MYO16: variants seen among roughly 807,000 people sequenced by gnomAD.
The protein encoded by MYO16 is unconventional myosin-XVI.
A neutral mutation model predicts 205.3 loss-of-function variants in MYO16; 94 were observed. The observed-to-expected ratio is 0.46, with a 90% CI of 0.39 to 0.54. The LOEUF (loss-of-function observed/expected upper bound fraction) is 0.54. MYO16 is among the 20% of genes least tolerant of loss of function. The pLI, the probability that MYO16 is intolerant of heterozygous loss-of-function variation, is 0.00. For missense variants in MYO16, 2,315 were observed against 2,387.5 expected (o/e 0.97, Z 0.63); for synonymous variants, 988 against 954.0 (o/e 1.04, Z -0.66).
intron 1 of MYO16, among the ~76,000 whole-genome samples, chr13:108,636,359 TTTTTTTTTTTTGTGTG>T (rs1423856737): frequency 1.3e-4 from 13 of 96,928 alleles, no homozygotes; most frequent in African/African-American, 4.7e-4. Flanking sequence ...TTTTTTTTTT[TTTTTTTTTTTTGTGTG>T]TGTGTGTGTG....
At position 109,125,128 on chromosome 13, in the gene MYO16, A is replaced by C; in HGVS notation, c.3552A>C (p.Leu1184Phe). The C allele has an allele frequency of 6.2e-7, 1 of 1,614,074 alleles. No homozygotes were observed. The highest frequency in any genetic ancestry group is 8.5e-7 in the Non-Finnish European group (1 of 1,179,980). ...ITCQKVIRGF[L>F]ARQHLLQRIS... is the part of the protein sequence containing the mutation. ...CTATAAAAGTTATCAGAGGATTTTTAGCACGCCAGCACCTGCTTCAGAGAA... is the reference window on the plus strand; with the variant it reads ...CTATAAAAGTTATCAGAGGATTTTTCGCACGCCAGCACCTGCTTCAGAGAA... The change falls in exon 30 of 35, where the codon TTA (leucine) becomes TTC (phenylalanine). Residue 1184 changes from leucine (L) to phenylalanine (F), a missense_variant. Physicochemically the swap from Leu to Phe is conservative, Grantham distance 22. Around this residue, in one of 3 missense-constraint regions of MYO16, gnomAD observed 1,097 missense variants for 1,092.0 expected, o/e 1.00. Transcript: ENST00000457511. This position sits in a 1 kb window ranked among gnomAD's most constrained non-coding sequence, Gnocchi z 4.0.
At chr13:108,702,914 A>G (rs1487750006) in intron 2 of MYO16, among the ~76,000 whole-genome samples, 1 of 152,050 alleles carries the variant, frequency 6.6e-6, no homozygotes, top group Non-Finnish European at 1.5e-5. Context: ...CCCTAGGGAA[A>G]TTATGAGAAA....
chr13:108,767,456 C>G (rs1340404542), intron 4 of MYO16, among the ~76,000 whole-genome samples: 1 of 151,206 alleles, frequency 6.6e-6, no homozygotes, highest in Non-Finnish European at 1.5e-5. Context: ...TTATACATCT[C>G]AGGACATGGT....
intron 20 of MYO16, among the ~76,000 whole-genome samples, chr13:108,984,130 C>A (rs1302521800): frequency 6.6e-6 from 1 of 152,294 alleles, no homozygotes; most frequent in East Asian, 1.9e-4. Flanking sequence ...TCACTACTTT[C>A]TGCCATAATG....
chr13:108,825,926 C>T (rs115454911), intron 9 of MYO16, among the ~76,000 whole-genome samples: 2,130 of 152,008 alleles, frequency 0.014, 42 homozygotes, highest in African/African-American at 0.046. Context: ...CAAGTTTTTA[C>T]ACTGAAAACT....
At chr13:108,496,685 G>A in the MYO16 span, among the ~76,000 whole-genome samples, 2 of 152,226 alleles carry the variant, frequency 1.3e-5, no homozygotes, top group African/African-American at 4.8e-5. Context: ...AGTTCTCTTA[G>A]TATTTCTGTC....
chr13:108,787,920 C>T (rs1886506594), intron 5 of MYO16, among the ~76,000 whole-genome samples: 1 of 152,188 alleles, frequency 6.6e-6, no homozygotes, highest in Non-Finnish European at 1.5e-5. Flanking sequence ...TCATCTGCCG[C>T]CATTCCCAGT....
In MYO16 at chr13:108,957,738, T is replaced by C. The variant is rs1439712049; in HGVS notation, c.1976T>C (p.Leu659Pro). 3 of 1,613,746 alleles carry C rather than the reference T, an allele frequency of 1.9e-6. No individual in the cohort carries two copies. Among genetic ancestry groups the C allele is most frequent in the Non-Finnish European group, 2.5e-6 (3 of 1,179,648 alleles). The change falls in exon 17 of 35, where the codon CTG becomes CCG. Residue 659 changes from leucine to proline, a missense_variant. Leu to Pro is a moderately conservative substitution (Grantham distance 98, BLOSUM62 -3). Around this residue, in one of 3 missense-constraint regions of MYO16, gnomAD observed 1,213 missense variants for 1,274.4 expected, o/e 0.95. Coordinates refer to ENST00000457511, the MANE Select transcript of MYO16 (RefSeq NM_001198950.3). ...QDDASTGERS[L>P]NREKLAVLKR... ...GATGCATCCACAGGGGAGCGTTCTC[T>C]GAACAGGGAGAAATTGGCTGTTTTG...
chr13:109,058,524 G>T (rs902150088), intron 27 of MYO16, among the ~76,000 whole-genome samples: 3 of 152,118 alleles, frequency 2.0e-5, no homozygotes, highest in African/African-American at 7.2e-5. Flanking sequence ...CCTATAATCT[G>T]TTCTGTGCAA....
chr13:109,073,872 C>G (rs1166751258), intron 27 of MYO16, among the ~76,000 whole-genome samples: 1 of 152,188 alleles, frequency 6.6e-6, no homozygotes, highest in African/African-American at 2.4e-5. Flanking sequence ...TCTCATCTGC[C>G]TAGCAGTTTG....
At chr13:109,190,144 GA>G (rs774369883) in intron 34 of MYO16, among the ~76,000 whole-genome samples, 54 of 150,640 alleles carry the variant, frequency 3.6e-4, no homozygotes, top group Middle Eastern at 3.4e-3. Flanking sequence ...CATTTTTAAG[GA>G]AAAAAAAATT....
At chr13:108,589,676 TTC>T in the MYO16 span, among the ~76,000 whole-genome samples, 6 of 152,214 alleles carry the variant, frequency 3.9e-5, no homozygotes, top group African/African-American at 1.4e-4. Flanking sequence ...CATTATTGTC[TTC>T]TCTCTCTCCC....
chr13:108,901,392 C>T (rs760898096), intron 15 of MYO16, among the ~76,000 whole-genome samples: 5 of 152,140 alleles, frequency 3.3e-5, no homozygotes, highest in Non-Finnish European at 7.3e-5. Context: ...TAAATTTTCT[C>T]TCTTTTGTAC....
the MYO16 span, among the ~76,000 whole-genome samples, chr13:108,498,328 T>C: frequency 6.6e-6 from 1 of 152,162 alleles, no homozygotes; most frequent in Non-Finnish European, 1.5e-5. Context: ...AATTTTTTTT[T>C]CAAGATCACA....
At chr13:108,871,509 A>G (rs7320103) in intron 12 of MYO16, among the ~76,000 whole-genome samples, 55,143 of 152,028 alleles carry the variant, frequency 0.36, 10,243 homozygotes, top group African/African-American at 0.4. Flanking sequence ...TCCTCCTAGC[A>G]GGCACATAAG....
chr13:108,682,271 T>C (rs1882492932), intron 2 of MYO16, among the ~76,000 whole-genome samples: 1 of 152,202 alleles, frequency 6.6e-6, no homozygotes, highest in Non-Finnish European at 1.5e-5. Context: ...TATGATCTAA[T>C]AGGGACCTTG....
chr13:108,582,250 A>G, the MYO16 span, among the ~76,000 whole-genome samples: 1 of 152,164 alleles, frequency 6.6e-6, no homozygotes, highest in Non-Finnish European at 1.5e-5. Context: ...CTGTGAAAGT[A>G]TATTGAGCTG....
chr13:109,104,011 C>T (rs1889049357), intron 28 of MYO16, among the ~76,000 whole-genome samples: 1 of 152,114 alleles, frequency 6.6e-6, no homozygotes, highest in Admixed American at 6.5e-5. Flanking sequence ...ACAGCACGTA[C>T]AGGAGTGACC....
intron 23 of MYO16, 31 bp downstream of exon 23, chr13:109,019,942 G>A: frequency 6.3e-7 from 1 of 1,598,110 alleles, no homozygotes; most frequent in African/African-American, 1.3e-5. Flanking sequence ...AATTTTTCAT[G>A]TGCACTAATG....
Sources: allele counts gnomAD v4.1 joint callset (sites outside exome capture counted in the v4.1 genomes callset), GRCh38; gene constraint gnomAD v4.1.1; regional missense constraint gnomAD v4.1.1; non-coding constraint Gnocchi (gnomAD v3.1); transcripts MANE v1.5; gene names NCBI Gene and HGNC (gene_info 2026-07-23, HGNC 2026-07-21).